TET3: variants seen among roughly 807,000 people sequenced by gnomAD.
TET3 encodes the protein tet methylcytosine dioxygenase 3, also known as methylcytosine dioxygenase TET3.
Under a neutral mutation model 141.4 loss-of-function variants are expected in TET3, and 19 were observed. The ratio of observed to expected loss-of-function variants is 0.13; its 90% CI spans 0.09 to 0.20. The LOEUF is 0.20. Among genes scored for constraint, TET3 ranks in the 10% least tolerant of loss-of-function variants. The probability of loss-of-function intolerance (pLI) is 1.00; values close to 1 mark genes in which losing one functional copy is unlikely to be tolerated. For missense variants in TET3, 1,874 were observed against 2,356.9 expected, an observed-to-expected ratio of 0.80 and a Z score of 4.24; for synonymous variants, 1,043 against 980.9, an observed-to-expected ratio of 1.06 and a Z score of -1.18.
intron 3 of TET3, among the ~76,000 whole-genome samples, chr2:74,031,595 G>A (rs904890546): frequency 6.6e-6 from 1 of 152,120 alleles, no homozygotes; most frequent in Non-Finnish European, 1.5e-5. Context: ...GGATTAATTT[G>A]TGCTCCCCAA....
At chr2:74,099,968 C>T (rs1691083561) in intron 11 of TET3, among the ~76,000 whole-genome samples, 1 of 152,158 alleles carries the variant, frequency 6.6e-6, no homozygotes, top group Non-Finnish European at 1.5e-5. Context: ...GCCAGGGCAG[C>T]AGGGCTTATG....
intron 4 of TET3, among the ~76,000 whole-genome samples, chr2:74,056,400 T>C (rs1375429706): frequency 6.6e-6 from 1 of 152,236 alleles, no homozygotes; most frequent in African/African-American, 2.4e-5. Flanking sequence ...AACATATTTT[T>C]CTATTTTAAT....
At chr2:73,994,062 G>T in intron 2 of TET3, among the ~76,000 whole-genome samples, 1 of 152,122 alleles carries the variant, frequency 6.6e-6, no homozygotes. Flanking sequence ...GGAGGTTGGG[G>T]CAGTCAGGTA....
At chr2:73,994,001 G>T (rs953734728) in intron 2 of TET3, among the ~76,000 whole-genome samples, 1 of 152,094 alleles carries the variant, frequency 6.6e-6, no homozygotes, top group East Asian at 1.9e-4. Flanking sequence ...TGGGTAGGTG[G>T]GTGGCAGTGA....
At position 74,107,479 on chromosome 2, in the gene TET3, C is replaced by G. The variant is rs946103891; in HGVS notation, c.*5303C>G. On this transcript the variant is annotated 3_prime_UTR_variant, in exon 12 of 12. Coordinates refer to ENST00000409262, the MANE Select transcript of TET3 (RefSeq NM_001287491.2). ...TCACACGGGGATTTAAATTAAGAAA[C>G]TAATTGGCTCATGTGAACATTCCAA... 1 of 152,162 alleles carries G rather than the reference C, an allele frequency of 6.6e-6. No individual in the cohort carries two copies. The highest frequency in any genetic ancestry group is 1.5e-5 in the Non-Finnish European group (1 of 68,024). 9.4% of individuals were successfully genotyped at this position (152,162 alleles called of 1,614,324 possible).
chr2:74,102,176 G>T lies in TET3; in HGVS notation c.5388G>T (p.Ter1796TyrextTer70). Residue 1796 changes from the stop codon to tyrosine, a stop_lost, in exon 12 of 12, where the codon TAG becomes TAT. Coordinates refer to ENST00000409262, the MANE Select transcript of TET3 (RefSeq NM_001287491.2). ...KVTGPYSRWI[*>Y] Reference sequence around the variant, plus strand: ...CTGGCCCCTACAGCCGCTGGATCTAGGTGCCAGGGAGCCAGCGTACCTCAG... The same window carrying T: ...CTGGCCCCTACAGCCGCTGGATCTATGTGCCAGGGAGCCAGCGTACCTCAG... 7.0e-7 allele frequency: 1 copy of T among 1,438,606 alleles called. No homozygotes were observed. The allele number at this position is 1,438,606 out of a possible 1,614,324, so 89.1% of individuals were successfully genotyped here.
chr2:74,034,171 A>T (rs1467799287), intron 3 of TET3, among the ~76,000 whole-genome samples: 1 of 151,662 alleles, frequency 6.6e-6, no homozygotes. Flanking sequence ...TAAAAAAAAA[A>T]AACAACAAAC....
chr2:74,108,809 T>C (rs1691635903), downstream of TET3, among the ~76,000 whole-genome samples: 1 of 152,218 alleles, frequency 6.6e-6, no homozygotes, highest in Non-Finnish European at 1.5e-5. Context: ...TCCAGTGTCT[T>C]TGAGGGACAA....
chr2:74,128,992 TAAAAAAA>T, the TET3 span, among the ~76,000 whole-genome samples: 84 of 77,924 alleles, frequency 1.1e-3, 1 homozygote, highest in East Asian at 0.012. Context: ...TGTCTCAATT[TAAAAAAA>T]AAAAAAAAAA....
chr2:74,046,739 C>T lies in TET3; in HGVS notation c.822C>T (p.Cys274=), dbSNP rs1158801762. The part of the protein sequence containing the change: ...RHGMKPPNCN[C]DGPECPDYLE... Reference sequence around the variant, plus strand: ...GTATGAAACCACCCAACTGCAACTGCGATGGCCCAGAATGCCCTGACTACC... The same window carrying T: ...GTATGAAACCACCCAACTGCAACTGTGATGGCCCAGAATGCCCTGACTACC... Residue 274 remains cysteine, a synonymous_variant, in exon 4 of 12, where the codon TGC becomes TGT. Transcript: ENST00000409262. The surrounding 1 kb of genome is among the most constrained non-coding windows in gnomAD (Gnocchi z 4.3). The T allele has an allele frequency of 7.4e-6, 12 of 1,613,926 alleles. No homozygotes were observed. The highest frequency in any genetic ancestry group is 3.3e-5 in the Admixed American group (2 of 60,030).
At chr2:74,111,973 T>C (rs1168283444), downstream of TET3, among the ~76,000 whole-genome samples, 1 of 152,180 alleles carries the variant, frequency 6.6e-6, no homozygotes, top group Non-Finnish European at 1.5e-5. Context: ...CAGGAAGACT[T>C]TGGCTCTTCA....
At chr2:74,020,129 A>T (rs1306154385) in intron 3 of TET3, among the ~76,000 whole-genome samples, 1 of 152,022 alleles carries the variant, frequency 6.6e-6, no homozygotes, top group Non-Finnish European at 1.5e-5. Flanking sequence ...CCCCCAACCC[A>T]GTATGTCCTA....
intron 2 of TET3, among the ~76,000 whole-genome samples, chr2:74,002,380 G>T (rs997467234): frequency 7.5e-6 from 1 of 133,120 alleles, no homozygotes; most frequent in South Asian, 3.0e-4. Context: ...CACCCCCCCG[G>T]CGTCTGCTCC....
Position 74,061,598 on chromosome 2 carries a change from A to AC in TET3, c.2495-11943dup, listed in dbSNP as rs1181254850. Among the ~76,000 whole-genome samples the AC allele has an allele frequency of 8.8e-3, 862 of 98,508 alleles. 11 individuals are homozygous for AC. The highest frequency in any genetic ancestry group is 0.025 in the African/African-American group (608 of 24,386). 64.6% of individuals were successfully genotyped at this position (98,508 alleles called of 152,430 possible). On this transcript the variant is annotated intron_variant, in intron 4 of 11. Coordinates refer to ENST00000409262, the MANE Select transcript of TET3 (RefSeq NM_001287491.2). Reference sequence around the variant, plus strand: ...GGGCGGCTGGCCGGGCGGGGGGCTGACCCCCCCCACCTCCCTCCCAGACGG... The same window carrying AC: ...GGGCGGCTGGCCGGGCGGGGGGCTGACCCCCCCCCACCTCCCTCCCAGACGG...
intron 8 of TET3, among the ~76,000 whole-genome samples, chr2:74,090,371 C>T (rs1482343070): frequency 6.6e-6 from 1 of 152,240 alleles, no homozygotes; most frequent in Non-Finnish European, 1.5e-5. Flanking sequence ...TCATTTCTCC[C>T]CCCCATCTTC....
At chr2:74,039,576 T>G (rs918946858) in intron 3 of TET3, among the ~76,000 whole-genome samples, 1 of 152,108 alleles carries the variant, frequency 6.6e-6, no homozygotes, top group African/African-American at 2.4e-5. Context: ...CAGTAATCAT[T>G]TTGTTATGCC....
At position 74,046,141 on chromosome 2, in the gene TET3, G is replaced by A; in HGVS notation, c.361-137G>A. ...CAGAGACATGGGAAGATGAATTGGAGGCTCAAGAAGTACCAGAGAGAGGAT... is the reference window on the plus strand; with the variant it reads ...CAGAGACATGGGAAGATGAATTGGAAGCTCAAGAAGTACCAGAGAGAGGAT... On this transcript the variant is annotated intron_variant, in intron 3 of 11. Coordinates refer to ENST00000409262, the MANE Select transcript of TET3 (RefSeq NM_001287491.2). The surrounding 1 kb of genome is among the most constrained non-coding windows in gnomAD (Gnocchi z 4.3). 2 of 660,538 alleles carry A rather than the reference G, an allele frequency of 3.0e-6. No homozygotes were observed. 40.9% of individuals were successfully genotyped at this position (660,538 alleles called of 1,614,324 possible).
At chr2:74,003,267 T>C in intron 3 of TET3, 101 bp downstream of exon 3, 6 of 1,468,298 alleles carry the variant, frequency 4.1e-6, no homozygotes, top group Non-Finnish European at 3.7e-6. Flanking sequence ...GGTGATCCCT[T>C]AATCTCCCAC....
intron 2 of TET3, among the ~76,000 whole-genome samples, chr2:73,990,411 A>G (rs567957228): frequency 1.3e-5 from 2 of 152,234 alleles, no homozygotes; most frequent in South Asian, 4.2e-4. Flanking sequence ...TCATAGAAGA[A>G]CCGTGGGGCA....
Sources: gnomAD v4.1 joint callset for allele counts (sites outside exome capture counted in the v4.1 genomes callset) on GRCh38, gnomAD v4.1.1 for gene constraint, Gnocchi (gnomAD v3.1) non-coding constraint, MANE v1.5 for transcripts, NCBI Gene and HGNC (gene_info 2026-07-23, HGNC 2026-07-21) for gene names.